LIMA1: variants seen among roughly 807,000 people sequenced by gnomAD.
The protein encoded by LIMA1 is LIM domain and actin binding 1, also known as LIM domain and actin-binding protein 1.
Under a neutral mutation model 62.6 loss-of-function variants are expected in LIMA1, and 52 were observed. That is an observed-to-expected ratio of 0.83 (90% CI 0.67 to 1.05). The LOEUF (loss-of-function observed/expected upper bound fraction) is 1.05. Ranked by LOEUF, LIMA1 falls within the 50% of genes least tolerant of loss-of-function variation. The pLI, the probability that LIMA1 is intolerant of heterozygous loss-of-function variation, is 0.00. For missense variants in LIMA1, 780 were observed against 902.2 expected, an observed-to-expected ratio of 0.86 and a Z score of 1.74; for synonymous variants, 302 against 317.8, an observed-to-expected ratio of 0.95 and a Z score of 0.53.
chr12:50,205,552 A>T (rs1941135536), intron 5 of LIMA1, among the ~76,000 whole-genome samples: 1 of 152,016 alleles, frequency 6.6e-6, no homozygotes, highest in Non-Finnish European at 1.5e-5. Flanking sequence ...GTGTTATGTT[A>T]TCACTGGTAA....
In LIMA1 at chr12:50,175,956, T is replaced by G. The variant is rs528355882; in HGVS notation, c.*1108A>C. On this transcript the variant is annotated 3_prime_UTR_variant, in exon 11 of 11. Coordinates refer to ENST00000341247, the MANE Select transcript of LIMA1 (RefSeq NM_016357.5). ...ACCTCTCCCTCCCATCCATACAATT[T>G]GGAATATCAACTGTGTACAACAAAT... 6.6e-6 allele frequency: 1 copy of G among 152,302 alleles called. No individual in the cohort carries two copies. Among genetic ancestry groups the G allele is most frequent in the Admixed American group, 6.5e-5 (1 of 15,288 alleles). The allele number at this position is 152,302 out of a possible 1,614,324, so 9.4% of individuals were successfully genotyped here. A position where few individuals can be genotyped will look rare whatever the true frequency, so the allele number is the denominator to read the frequency against.
In LIMA1 at chr12:50,245,764, C is replaced by T. The variant is rs759490283; in HGVS notation, c.119+2869G>A. ...AGCCAGCGTCCCCTGGAGGCTGGCA[C>T]GCCACTGCAATGAAGGGGAGGATAA... On this transcript the variant is annotated intron_variant, in intron 2 of 10. Transcript: ENST00000341247. Among the ~76,000 whole-genome samples, 6 of 151,550 alleles carry T rather than the reference C, an allele frequency of 4.0e-5. No homozygotes were observed. In the South Asian group the frequency reaches 1.0e-3, roughly 26 times the overall value.
chr12:50,193,003 TGC>T (rs5798131), intron 8 of LIMA1, among the ~76,000 whole-genome samples: 44,787 of 105,254 alleles, frequency 0.43, 6,814 homozygotes, highest in South Asian at 0.55. Context: ...TGTGTGTGTG[TGC>T]GCGCGTGCGC....
intron 1 of LIMA1, among the ~76,000 whole-genome samples, chr12:50,279,010 CT>C (rs35710007): frequency 0.65 from 89,612 of 137,420 alleles, 29,717 homozygotes; most frequent in East Asian, 0.88. Context: ...CTTTTCTTTT[CT>C]TTTTTTTTTT....
chr12:50,247,203 G>A (rs988705128), intron 2 of LIMA1, among the ~76,000 whole-genome samples: 1 of 152,032 alleles, frequency 6.6e-6, no homozygotes, highest in Admixed American at 6.6e-5. Flanking sequence ...TCCTATCAGA[G>A]AAGGTGGAGT....
intron 1 of LIMA1, among the ~76,000 whole-genome samples, chr12:50,259,067 G>A (rs1942033926): frequency 6.6e-6 from 1 of 152,060 alleles, no homozygotes; most frequent in African/African-American, 2.4e-5. Context: ...ATAGTAAAAA[G>A]CCTAACCCCA....
chr12:50,272,453 A>G (rs1314629592), intron 1 of LIMA1, among the ~76,000 whole-genome samples: 1 of 151,810 alleles, frequency 6.6e-6, no homozygotes, highest in Non-Finnish European at 1.5e-5. Flanking sequence ...TTAGCCAGGC[A>G]TGGTGGTGCA....
chr12:50,179,661 T>C (rs1298506011), intron 10 of LIMA1, among the ~76,000 whole-genome samples: 1 of 149,188 alleles, frequency 6.7e-6, no homozygotes, highest in Non-Finnish European at 1.5e-5. Context: ...ATGGTCTCAA[T>C]CTCCTGACCT....
In LIMA1 at chr12:50,283,512, A is replaced by ACACCTACTGCTCCTGC. The variant is rs1400658066; in HGVS notation, c.-117_-116insGCAGGAGCAGTAGGTG. The ACACCTACTGCTCCTGC allele has an allele frequency of 8.5e-5, 13 of 152,170 alleles. No homozygotes were observed. The highest frequency in any genetic ancestry group is 8.5e-4 in the Admixed American group (13 of 15,270). The allele number at this position is 152,170 out of a possible 1,614,324, so 9.4% of individuals were successfully genotyped here. A position where few individuals can be genotyped will look rare whatever the true frequency, so the allele number is the denominator to read the frequency against. Reference sequence around the variant, plus strand: ...CGCACCTGTCGCGACCAAGCTGCTAACACCTACTGCTCCTGCGGCCCCGCC... The same window carrying ACACCTACTGCTCCTGC: ...CGCACCTGTCGCGACCAAGCTGCTAACACCTACTGCTCCTGCCACCTACTGCTCCTGCGGCCCCGCC... On this transcript the variant is annotated 5_prime_UTR_variant, in exon 1 of 11. Transcript: ENST00000341247.
At chr12:50,242,080 A>T (rs1014396905) in intron 2 of LIMA1, among the ~76,000 whole-genome samples, 6 of 150,260 alleles carry the variant, frequency 4.0e-5, no homozygotes, top group Admixed American at 3.4e-4. Context: ...TTATCTGGGG[A>T]GTAATAACAG....
At chr12:50,281,194 G>A (rs867922440) in intron 1 of LIMA1, among the ~76,000 whole-genome samples, 1 of 151,940 alleles carries the variant, frequency 6.6e-6, no homozygotes, top group Non-Finnish European at 1.5e-5. Context: ...TTTTTGGTAC[G>A]AGGGCTCTAA....
At chr12:50,276,312 A>G (rs1232966622) in intron 1 of LIMA1, among the ~76,000 whole-genome samples, 1 of 152,198 alleles carries the variant, frequency 6.6e-6, no homozygotes, top group African/African-American at 2.4e-5. Flanking sequence ...CTTTCTCCTT[A>G]GTGAATCTGG....
rs117012116 is a variant in LIMA1, at chr12:50,253,825, G to A, written c.-23-5051C>T. On this transcript the variant is annotated intron_variant, in intron 1 of 10. Coordinates refer to ENST00000341247, the MANE Select transcript of LIMA1 (RefSeq NM_016357.5). ...CGGATCACCTGAGGTCAGGAGTTCCGGACCCAGTCTGGCCAATGTAGCAAA... is the reference window on the plus strand; with the variant it reads ...CGGATCACCTGAGGTCAGGAGTTCCAGACCCAGTCTGGCCAATGTAGCAAA... Among the ~76,000 whole-genome samples the A allele has an allele frequency of 2.5e-3, 385 of 151,452 alleles. 5 individuals are homozygous for A. In the East Asian group the frequency reaches 0.061, roughly 24 times the overall value.
At chr12:50,255,284 G>C (rs1345310899) in intron 1 of LIMA1, among the ~76,000 whole-genome samples, 1 of 151,906 alleles carries the variant, frequency 6.6e-6, no homozygotes, top group South Asian at 2.1e-4. Context: ...GCCACATGTG[G>C]TGGCTCATGC....
intron 1 of LIMA1, among the ~76,000 whole-genome samples, chr12:50,273,320 T>C (rs1217823213): frequency 6.6e-6 from 1 of 152,164 alleles, no homozygotes; most frequent in Non-Finnish European, 1.5e-5. Flanking sequence ...AAAAGCTACA[T>C]TTAATTCGGG....
At chr12:50,216,497 G>A (rs531081780) in intron 4 of LIMA1, among the ~76,000 whole-genome samples, 2 of 152,268 alleles carry the variant, frequency 1.3e-5, no homozygotes, top group African/African-American at 4.8e-5. Flanking sequence ...TTACAGGCGT[G>A]AGCCACTGCT....
intron 6 of LIMA1, chr12:50,201,596 C>T (rs1941051933): frequency 2.7e-5 from 24 of 896,328 alleles, no homozygotes; most frequent in Non-Finnish European, 3.2e-5. Flanking sequence ...TCATCTATTA[C>T]ATCTAAAATC....
At chr12:50,203,256 C>T (rs918300401) in intron 6 of LIMA1, among the ~76,000 whole-genome samples, 5 of 151,780 alleles carry the variant, frequency 3.3e-5, no homozygotes, top group Admixed American at 6.6e-5. Flanking sequence ...TTCAAATGAC[C>T]CACCCACCTC....
chr12:50,258,137 A>T (rs1942020614), intron 1 of LIMA1, among the ~76,000 whole-genome samples: 1 of 152,056 alleles, frequency 6.6e-6, no homozygotes, highest in African/African-American at 2.4e-5. Context: ...CCTGGAATCA[A>T]CTATTTCCCC....
Sources: allele counts gnomAD v4.1 joint callset (sites outside exome capture counted in the v4.1 genomes callset), GRCh38; gene constraint gnomAD v4.1.1; transcripts MANE v1.5; gene names NCBI Gene and HGNC (gene_info 2026-07-23, HGNC 2026-07-21).